ENOX1: variants seen among roughly 807,000 people sequenced by gnomAD.
ENOX1 encodes ecto-NOX disulfide-thiol exchanger 1.
Under a neutral mutation model 82.5 loss-of-function variants are expected in ENOX1, and 42 were observed. The ratio of observed to expected loss-of-function variants is 0.51; its 90% CI spans 0.40 to 0.66. The LOEUF is 0.66. ENOX1 is among the 30% of genes least tolerant of loss of function. The probability of loss-of-function intolerance (pLI) is 0.00; values close to 1 mark genes in which losing one functional copy is unlikely to be tolerated. For synonymous variants in ENOX1, 271 were observed against 282.2 expected (o/e 0.96, Z 0.40); for missense variants, 608 against 811.6 (o/e 0.75, Z 3.05).
At chr13:43,546,838 A>T (rs944233054) in intron 2 of ENOX1, 3 of 152,246 alleles carry the variant, frequency 2.0e-5, no homozygotes, top group Non-Finnish European at 2.9e-5. Flanking sequence ...TAGTCAAAAC[A>T]GTACAATTTA....
chr13:43,751,715 T>G (rs191461895), intron 1 of ENOX1, among the ~76,000 whole-genome samples: 2 of 152,340 alleles, frequency 1.3e-5, no homozygotes, highest in East Asian at 3.9e-4. Flanking sequence ...AACAGTTCGT[T>G]ACATTTTACT....
intron 2 of ENOX1, among the ~76,000 whole-genome samples, chr13:43,666,683 T>C (rs989028801): frequency 2.6e-5 from 4 of 152,170 alleles, no homozygotes; most frequent in African/African-American, 4.8e-5. Flanking sequence ...ACCAGCCAGT[T>C]TGTGGTGCTT....
chr13:43,296,170 C>T (rs1007297224), intron 12 of ENOX1, among the ~76,000 whole-genome samples: 1 of 152,204 alleles, frequency 6.6e-6, no homozygotes, highest in Non-Finnish European at 1.5e-5. Flanking sequence ...GCCCCAAATC[C>T]AAATGTTGAA....
At chr13:43,560,235 T>C (rs914588962) in intron 2 of ENOX1, among the ~76,000 whole-genome samples, 7 of 152,244 alleles carry the variant, frequency 4.6e-5, no homozygotes, top group African/African-American at 1.7e-4. Flanking sequence ...AGGTATGCTA[T>C]AATACCTATA....
chr13:43,721,599 C>T (rs1161015708), intron 1 of ENOX1, among the ~76,000 whole-genome samples: 2 of 151,746 alleles, frequency 1.3e-5, no homozygotes, highest in African/African-American at 4.8e-5. Context: ...GGGATGGTCT[C>T]GATCTCCTGA....
intron 2 of ENOX1, among the ~76,000 whole-genome samples, chr13:43,631,842 G>C (rs2083229749): frequency 6.6e-6 from 1 of 151,952 alleles, no homozygotes; most frequent in Non-Finnish European, 1.5e-5. Context: ...TTCTTAATCT[G>C]GAAAGTTATT....
intron 2 of ENOX1, among the ~76,000 whole-genome samples, chr13:43,531,054 C>CA: frequency 6.6e-6 from 1 of 150,816 alleles, no homozygotes; most frequent in Admixed American, 6.6e-5. Flanking sequence ...AAATATAATA[C>CA]AAAAAAACTA....
chr13:43,764,640 C>T (rs11838826), intron 1 of ENOX1, among the ~76,000 whole-genome samples: 18,281 of 151,248 alleles, frequency 0.12, 1,356 homozygotes, highest in Non-Finnish European at 0.16. Context: ...AAAAAAAAAA[C>T]GGAAAGGTTT....
At chr13:43,431,779 T>A (rs917741827) in intron 3 of ENOX1, among the ~76,000 whole-genome samples, 2 of 152,152 alleles carry the variant, frequency 1.3e-5, no homozygotes, top group Non-Finnish European at 2.9e-5. Context: ...GACATATGGG[T>A]CCTTGCTGAC....
intron 3 of ENOX1, among the ~76,000 whole-genome samples, chr13:43,447,599 C>T (rs2056725580): frequency 6.6e-6 from 1 of 151,794 alleles, no homozygotes; most frequent in African/African-American, 2.4e-5. Flanking sequence ...ACACCTTTTT[C>T]ACTCATTCAT....
intron 2 of ENOX1, among the ~76,000 whole-genome samples, chr13:43,573,277 T>G (rs1278273632): frequency 6.6e-6 from 1 of 152,234 alleles, no homozygotes; most frequent in Non-Finnish European, 1.5e-5. Context: ...ACTGATTTAC[T>G]TCTTTAAATT....
chr13:43,625,492 A>G (rs1294879947), intron 2 of ENOX1, among the ~76,000 whole-genome samples: 3 of 151,996 alleles, frequency 2.0e-5, no homozygotes, highest in Non-Finnish European at 2.9e-5. Flanking sequence ...GTAGACTGTC[A>G]TATATCGAGT....
intron 9 of ENOX1, among the ~76,000 whole-genome samples, chr13:43,341,245 G>A (rs568161363): frequency 2.2e-4 from 34 of 151,510 alleles, no homozygotes; most frequent in Non-Finnish European, 3.5e-4. Context: ...GCAGTGAGCC[G>A]AGATTGCACC....
At chr13:43,341,045 C>A (rs2049022835) in intron 9 of ENOX1, among the ~76,000 whole-genome samples, 1 of 152,176 alleles carries the variant, frequency 6.6e-6, no homozygotes, top group African/African-American at 2.4e-5. Context: ...CACCTGTAAT[C>A]CCAGCACTTT....
chr13:43,726,245 C>T lies in ENOX1; in HGVS notation c.-284-58701G>A, dbSNP rs190056813. On this transcript the variant is annotated intron_variant, in intron 1 of 16. Transcript: ENST00000690772. ...TTTTTTTTTTTTTGAGATGGAGTTT[C>T]GCTCTGTTGCCCAGGCTTGAGTGTG... 7.6e-3 allele frequency among the ~76,000 whole-genome samples: 967 copies of T among 126,660 alleles called. 14 individuals are homozygous for T. The highest frequency in any genetic ancestry group is 0.027 in the African/African-American group (878 of 32,528). The allele number at this position is 126,660 out of a possible 152,430, so 83.1% of individuals were successfully genotyped here.
At chr13:43,270,421 AACAATTGCTGT>A (rs1191932528) in intron 12 of ENOX1, among the ~76,000 whole-genome samples, 1 of 152,178 alleles carries the variant, frequency 6.6e-6, no homozygotes, top group Admixed American at 6.5e-5. Context: ...TACTGTACAT[AACAATTGCTGT>A]ACTAATGATC....
intron 11 of ENOX1, among the ~76,000 whole-genome samples, chr13:43,302,110 TAAAA>T (rs57152548): frequency 2.0e-5 from 3 of 148,128 alleles, no homozygotes; most frequent in African/African-American, 7.4e-5. Flanking sequence ...GTATAAGGAT[TAAAA>T]AAAAAAAAAG....
intron 2 of ENOX1, among the ~76,000 whole-genome samples, chr13:43,491,762 A>G (rs181198016): frequency 2.6e-5 from 4 of 152,304 alleles, no homozygotes; most frequent in Non-Finnish European, 4.4e-5. Flanking sequence ...ACTCCATCTC[A>G]AAAATAAATA....
chr13:43,341,627 A>C (rs1279466407), intron 9 of ENOX1, among the ~76,000 whole-genome samples: 1 of 152,208 alleles, frequency 6.6e-6, no homozygotes, highest in Admixed American at 6.5e-5. Context: ...GAGATACTCA[A>C]ACGGTTTACT....
Sources: gnomAD v4.1 joint callset for allele counts (sites outside exome capture counted in the v4.1 genomes callset) on GRCh38, gnomAD v4.1.1 for gene constraint, MANE v1.5 for transcripts, NCBI Gene and HGNC (gene_info 2026-07-23, HGNC 2026-07-21) for gene names.